Variants in HECTD2 observed in about 807,000 individuals in gnomAD.
The protein encoded by HECTD2 is probable E3 ubiquitin-protein ligase HECTD2.
A neutral mutation model predicts 103.2 loss-of-function variants in HECTD2; 35 were observed. That is an observed-to-expected ratio of 0.34 (90% CI 0.26 to 0.45). HECTD2 has a LOEUF of 0.45. HECTD2 is among the 20% of genes least tolerant of loss of function. HECTD2 has a pLI of 1.00. For synonymous variants in HECTD2, 281 were observed against 329.9 expected, an observed-to-expected ratio of 0.85 and a Z score of 1.61; for missense variants, 596 against 937.4, an observed-to-expected ratio of 0.64 and a Z score of 4.76.
Position 91,498,257 on chromosome 10 carries a change from C to T in HECTD2, c.1755+75C>T, listed in dbSNP as rs1030595048. The T allele has an allele frequency of 7.1e-6, 7 of 984,768 alleles. No homozygotes were observed. In the African/African-American group the frequency reaches 9.6e-5, roughly 14 times the overall value. The allele number at this position is 984,768 out of a possible 1,614,324, so 61.0% of individuals were successfully genotyped here. On this transcript the variant is annotated intron_variant, in intron 16 of 20. Transcript: ENST00000298068. ...AACAGTGCAATTTGTTATTAAATAC[C>T]CACTGTTAGAAAAGATGAACAAGGA...
intron 5 of HECTD2, among the ~76,000 whole-genome samples, chr10:91,473,995 G>T (rs1318317851): frequency 6.6e-6 from 1 of 152,110 alleles, no homozygotes; most frequent in East Asian, 1.9e-4. Flanking sequence ...GATGTCTAAT[G>T]TGTGTAATTA....
chr10:91,498,473 G>A (rs1846769309), intron 16 of HECTD2, among the ~76,000 whole-genome samples: 1 of 152,144 alleles, frequency 6.6e-6, no homozygotes, highest in Non-Finnish European at 1.5e-5. Flanking sequence ...AGCCTCTCCT[G>A]TAACTTCAAC....
chr10:91,440,499 T>G (rs946033045), intron 2 of HECTD2, among the ~76,000 whole-genome samples: 11 of 151,834 alleles, frequency 7.2e-5, no homozygotes, highest in Admixed American at 4.6e-4. Flanking sequence ...CTGAGGATTT[T>G]CATATCCATG....
At chr10:91,415,193 A>AGTGTGTGTGTGT (rs397846279) in intron 1 of HECTD2, among the ~76,000 whole-genome samples, 7,237 of 141,624 alleles carry the variant, frequency 0.051, 491 homozygotes, top group African/African-American at 0.15. Context: ...AATTAGAGAA[A>AGTGTGTGTGTGT]GTGTGTGTGT....
intron 1 of HECTD2, among the ~76,000 whole-genome samples, chr10:91,424,907 T>C (rs1843498781): frequency 6.6e-6 from 1 of 152,068 alleles, no homozygotes; most frequent in Non-Finnish European, 1.5e-5. Context: ...ATAATATTTA[T>C]GGAGGTCACA....
Position 91,484,552 on chromosome 10 carries a change from A to ATT in HECTD2, c.869_870dup (p.Ile291LeufsTer17). ...AACAATTGGTAGAGAGATTGCTGCA[A>ATT]TTTATTTCTTTACGCCTGTTTCCTG... On this transcript the variant is annotated frameshift_variant, in exon 9 of 21. Transcript: ENST00000298068. LOFTEE classifies it high-confidence loss of function. 6.2e-7 allele frequency: 1 copy of ATT among 1,612,204 alleles called. No individual in the cohort carries two copies. The highest frequency in any genetic ancestry group is 8.5e-7 in the Non-Finnish European group (1 of 1,178,866).
intron 5 of HECTD2, among the ~76,000 whole-genome samples, chr10:91,471,097 A>G (rs927681746): frequency 3.9e-5 from 6 of 152,166 alleles, no homozygotes; most frequent in African/African-American, 7.2e-5. Context: ...AACTGAATCT[A>G]AAAGCACATC....
intron 5 of HECTD2, among the ~76,000 whole-genome samples, chr10:91,473,673 G>T (rs1187056506): frequency 6.6e-6 from 1 of 152,116 alleles, no homozygotes; most frequent in Admixed American, 6.5e-5. Context: ...AGAGGATAAA[G>T]ACCTTTATGA....
At chr10:91,450,668 C>T (rs1344122088) in intron 2 of HECTD2, among the ~76,000 whole-genome samples, 1 of 148,918 alleles carries the variant, frequency 6.7e-6, no homozygotes, top group African/African-American at 2.5e-5. Context: ...GGAAGTTAAA[C>T]AGATTTACAA....
chr10:91,420,207 A>G (rs1405254168), intron 1 of HECTD2, among the ~76,000 whole-genome samples: 1 of 152,022 alleles, frequency 6.6e-6, no homozygotes, highest in Non-Finnish European at 1.5e-5. Flanking sequence ...TGTCAAGAGC[A>G]CAATTATTTT....
chr10:91,419,312 C>G lies in HECTD2; in HGVS notation c.139-5969C>G, dbSNP rs141578219. Among the ~76,000 whole-genome samples, 157 of 152,226 alleles carry G rather than the reference C, an allele frequency of 1.0e-3. 2 individuals are homozygous for G. In the East Asian group the frequency reaches 0.023, roughly 22 times the overall value. On this transcript the variant is annotated intron_variant, in intron 1 of 20. Transcript: ENST00000298068. ...AGAAATTGGAAATTTAAGATTCAGTCTGTTCCTCAATAGAGGTTGAAAGTA... is the reference window on the plus strand; with the variant it reads ...AGAAATTGGAAATTTAAGATTCAGTGTGTTCCTCAATAGAGGTTGAAAGTA...
chr10:91,472,527 G>A (rs1401987150), intron 5 of HECTD2, among the ~76,000 whole-genome samples: 3 of 152,162 alleles, frequency 2.0e-5, no homozygotes, highest in African/African-American at 7.2e-5. Context: ...ACAACCTGCA[G>A]AATAGGAGAA....
chr10:91,468,455 T>C lies in HECTD2; in HGVS notation c.600+6271T>C, dbSNP rs76801282. 5.7e-3 allele frequency among the ~76,000 whole-genome samples: 873 copies of C among 152,214 alleles called. 4 individuals carry two copies. The highest frequency in any genetic ancestry group is 0.02 in the African/African-American group (838 of 41,534). ...CTCCAGAAACTGAACGAATGTCAAC[T>C]CACTCAGATGAGAAAGAACCAGAAC... On this transcript the variant is annotated intron_variant, in intron 5 of 20. Transcript: ENST00000298068.
intron 5 of HECTD2, among the ~76,000 whole-genome samples, chr10:91,471,573 C>T (rs915364240): frequency 6.6e-6 from 1 of 152,210 alleles, no homozygotes; most frequent in Non-Finnish European, 1.5e-5. Flanking sequence ...CCCAAACCCT[C>T]TGCCCAAAAG....
At position 91,468,396 on chromosome 10, in the gene HECTD2, C is replaced by CA. The variant is rs368460589; in HGVS notation, c.600+6220dup. On this transcript the variant is annotated intron_variant, in intron 5 of 20. Transcript: ENST00000298068. ...CAAATGCATCAAAGAAGATAAAAGC[C>CA]AAAAAAAATAAAATCCCATTCGAAG... 7.1e-4 allele frequency among the ~76,000 whole-genome samples: 107 copies of CA among 151,622 alleles called. 2 individuals are homozygous for CA. Among genetic ancestry groups the CA allele is most frequent in the African/African-American group, 2.2e-3 (91 of 41,390 alleles).
intron 16 of HECTD2, 37 bp downstream of exon 16, chr10:91,498,219 T>G (rs1468091903): frequency 1.5e-6 from 2 of 1,356,222 alleles, no homozygotes; most frequent in African/African-American, 2.9e-5. Context: ...GTTAATCATA[T>G]ATTTCATATA....
Position 91,438,728 on chromosome 10 carries a change from C to T in HECTD2, c.268+13318C>T, listed in dbSNP as rs148277411. Among the ~76,000 whole-genome samples the T allele has an allele frequency of 3.4e-3, 520 of 152,302 alleles. 3 individuals are homozygous for T. Among genetic ancestry groups the T allele is most frequent in the South Asian group, 6.8e-3 (33 of 4,824 alleles). On this transcript the variant is annotated intron_variant, in intron 2 of 20. Transcript: ENST00000298068. Reference sequence around the variant, plus strand: ...AAGCGTTCCTGTTTCTCCACATCCTCTCCAGCATTTGTTGTTTCCTGACTT... The same window carrying T: ...AAGCGTTCCTGTTTCTCCACATCCTTTCCAGCATTTGTTGTTTCCTGACTT...
intron 5 of HECTD2, among the ~76,000 whole-genome samples, chr10:91,472,456 G>A (rs1845761605): frequency 6.6e-6 from 1 of 152,124 alleles, no homozygotes; most frequent in East Asian, 1.9e-4. Flanking sequence ...ATTGATGAAT[G>A]TGACCTAATT....
chr10:91,425,068 C>T (rs1343522782), intron 1 of HECTD2, among the ~76,000 whole-genome samples: 2 of 151,938 alleles, frequency 1.3e-5, no homozygotes, highest in Non-Finnish European at 2.9e-5. Flanking sequence ...TTCCCATTTC[C>T]AAACTTCTCA....
Sources: gnomAD v4.1 joint callset for allele counts (sites outside exome capture counted in the v4.1 genomes callset) on GRCh38, gnomAD v4.1.1 for gene constraint, MANE v1.5 for transcripts, NCBI Gene and HGNC (gene_info 2026-07-23, HGNC 2026-07-21) for gene names.